The following RTKN2 variants were observed in gnomAD, a reference collection of about 807,000 sequenced individuals.
The protein encoded by RTKN2 is rhotekin 2.
RTKN2 carries 69 observed loss-of-function variants against 71.5 expected under a neutral mutation model. The observed-to-expected ratio is 0.96, with a 90% CI of 0.79 to 1.18. The LOEUF (loss-of-function observed/expected upper bound fraction) is 1.18, where lower values mean the gene tolerates loss of function less well. Among genes scored for constraint, RTKN2 ranks in the 50% most tolerant of loss-of-function variants. The pLI is 0.00. For synonymous variants in RTKN2, 236 were observed against 236.5 expected (o/e 1.00, Z 0.02); for missense variants, 724 against 719.7 (o/e 1.01, Z -0.07).
chr10:62,237,098 T>C (rs1352380880), intron 5 of RTKN2, among the ~76,000 whole-genome samples: 2 of 151,920 alleles, frequency 1.3e-5, no homozygotes. Flanking sequence ...TGTTAGAGAT[T>C]TTTGTTAAAT....
intron 2 of RTKN2, among the ~76,000 whole-genome samples, chr10:62,255,519 C>T (rs1359177353): frequency 6.6e-6 from 1 of 152,136 alleles, no homozygotes; most frequent in African/African-American, 2.4e-5. Flanking sequence ...AGAGGATTGT[C>T]CTTCTTTATA....
chr10:62,248,252 T>C (rs1156964792), intron 2 of RTKN2, among the ~76,000 whole-genome samples: 1 of 152,066 alleles, frequency 6.6e-6, no homozygotes, highest in Non-Finnish European at 1.5e-5. Context: ...TTTTAAAAAA[T>C]GAGAGGAGAA....
intron 2 of RTKN2, among the ~76,000 whole-genome samples, chr10:62,258,392 G>A (rs940501682): frequency 2.0e-5 from 3 of 152,158 alleles, no homozygotes; most frequent in Middle Eastern, 3.2e-3. Flanking sequence ...TATGTACAGA[G>A]AGCACTTTGA....
chr10:62,230,797 T>C (rs1842132932), intron 6 of RTKN2, among the ~76,000 whole-genome samples: 1 of 152,206 alleles, frequency 6.6e-6, no homozygotes, highest in African/African-American at 2.4e-5. Flanking sequence ...CAGTGTATTA[T>C]ATTGGCTTTA....
At position 62,208,095 on chromosome 10, in the gene RTKN2, CAT is replaced by C. The variant is rs1841583850; in HGVS notation, c.1021-3075_1021-3074del. Among the ~76,000 whole-genome samples, 4 of 152,196 alleles carry C rather than the reference CAT, an allele frequency of 2.6e-5. No homozygotes were observed. The South Asian group carries it at 8.3e-4, about 32-fold the overall frequency. ...GAATGCCAAGTGAAGTCAATAAAAA[CAT>C]AAACTGGGAAGTCAATTTTGTAATA... On this transcript the variant is annotated intron_variant, in intron 9 of 11. Coordinates refer to ENST00000373789, the MANE Select transcript of RTKN2 (RefSeq NM_145307.4).
intron 7 of RTKN2, among the ~76,000 whole-genome samples, chr10:62,221,136 T>TAA (rs34217296): frequency 0.75 from 110,342 of 147,624 alleles, 41,111 homozygotes; most frequent in East Asian, 0.9. Flanking sequence ...AAATAAGTAC[T>TAA]AAAAAAAAAA....
At chr10:62,259,557 GCTATTT>G (rs1842735482) in intron 2 of RTKN2, among the ~76,000 whole-genome samples, 1 of 151,844 alleles carries the variant, frequency 6.6e-6, no homozygotes, top group African/African-American at 2.4e-5. Context: ...TTTTTCTTTT[GCTATTT>G]CTTTTTGAGA....
At chr10:62,233,241 A>C (rs933107807) in intron 6 of RTKN2, among the ~76,000 whole-genome samples, 1 of 152,188 alleles carries the variant, frequency 6.6e-6, no homozygotes, top group Non-Finnish European at 1.5e-5. Flanking sequence ...AAAAAATGTA[A>C]AACTTATTGA....
Position 62,194,382 on chromosome 10 carries a change from G to A in RTKN2, c.*3526C>T. On this transcript the variant is annotated 3_prime_UTR_variant, in exon 12 of 12. Coordinates refer to ENST00000373789, the MANE Select transcript of RTKN2 (RefSeq NM_145307.4). ...AATAGTGATGCCTTTGAAATGTAAGGGGAAAATGTCAACTTTACATTATAA... is the reference window on the plus strand; with the variant it reads ...AATAGTGATGCCTTTGAAATGTAAGAGGAAAATGTCAACTTTACATTATAA... 1 of 983,894 alleles carries A rather than the reference G, an allele frequency of 1.0e-6. No homozygotes were observed. The allele number at this position is 983,894 out of a possible 1,614,324, so 60.9% of individuals were successfully genotyped here.
chr10:62,251,450 G>T (rs1842580660), intron 2 of RTKN2, among the ~76,000 whole-genome samples: 2 of 152,052 alleles, frequency 1.3e-5, no homozygotes, highest in South Asian at 4.2e-4. Context: ...CCCCCTCAAG[G>T]GTAAGGTGTC....
chr10:62,236,361 T>G, intron 5 of RTKN2, 98 bp from the exon 6 acceptor site: 1 of 807,720 alleles, frequency 1.2e-6, no homozygotes, highest in Middle Eastern at 3.8e-4. Context: ...AATCAGCATT[T>G]AACATCAGGA....
Position 62,195,245 on chromosome 10 carries a change from T to G in RTKN2, c.*2663A>C, listed in dbSNP as rs971322877. The G allele has an allele frequency of 1.0e-6, 1 of 980,832 alleles. No homozygotes were observed. Among genetic ancestry groups the G allele is most frequent in the African/African-American group, 1.8e-5 (1 of 57,128 alleles). The allele number at this position is 980,832 out of a possible 1,614,324, so 60.8% of individuals were successfully genotyped here. A position where few individuals can be genotyped will look rare whatever the true frequency, so the allele number is the denominator to read the frequency against. On this transcript the variant is annotated 3_prime_UTR_variant, in exon 12 of 12. Transcript: ENST00000373789. The stretch of plus-strand genomic sequence containing the variant: ...AATTATATTATCAAGAGCTGACAGC[T>G]AACTCTTTGTTTCAAGTTTATAGTC...
intron 2 of RTKN2, among the ~76,000 whole-genome samples, chr10:62,261,704 T>G (rs1490809725): frequency 1.3e-5 from 2 of 152,118 alleles, no homozygotes; most frequent in Non-Finnish European, 2.9e-5. Flanking sequence ...GCTAATAAGG[T>G]TGGCTACTTT....
chr10:62,240,222 C>A (rs1842345692), intron 4 of RTKN2, among the ~76,000 whole-genome samples: 1 of 146,414 alleles, frequency 6.8e-6, no homozygotes. Context: ...AAATATTTTC[C>A]ACCAAACTAA....
chr10:62,252,946 G>C (rs1236971024), intron 2 of RTKN2, among the ~76,000 whole-genome samples: 2 of 152,006 alleles, frequency 1.3e-5, no homozygotes, highest in African/African-American at 4.8e-5. Flanking sequence ...CATAGTAAAA[G>C]ACTAATTATA....
At chr10:62,229,803 G>T (rs1370023871) in intron 6 of RTKN2, among the ~76,000 whole-genome samples, 1 of 152,168 alleles carries the variant, frequency 6.6e-6, no homozygotes, top group Non-Finnish European at 1.5e-5. Context: ...AGAAATGATT[G>T]TGACTAAGAC....
At chr10:62,231,428 T>C (rs1842146333) in intron 6 of RTKN2, among the ~76,000 whole-genome samples, 1 of 152,196 alleles carries the variant, frequency 6.6e-6, no homozygotes. Context: ...CTGTCTTCTT[T>C]CAGATCAAAC....
chr10:62,242,841 G>C (rs983394249), intron 3 of RTKN2, among the ~76,000 whole-genome samples: 3 of 151,926 alleles, frequency 2.0e-5, no homozygotes, highest in African/African-American at 7.3e-5. Flanking sequence ...ATGTAGGCCA[G>C]GTTGGTCTCG....
At chr10:62,222,835 C>T (rs1841938701) in intron 7 of RTKN2, among the ~76,000 whole-genome samples, 1 of 152,192 alleles carries the variant, frequency 6.6e-6, no homozygotes, top group Non-Finnish European at 1.5e-5. Context: ...ATACCACCGC[C>T]ATCCAAAGAG....
Sources: allele counts gnomAD v4.1 joint callset (sites outside exome capture counted in the v4.1 genomes callset), GRCh38; gene constraint gnomAD v4.1.1; transcripts MANE v1.5; gene names NCBI Gene and HGNC (gene_info 2026-07-23, HGNC 2026-07-21).